VLDLR: variants seen among roughly 807,000 people sequenced by gnomAD.
The protein encoded by VLDLR is very low density lipoprotein receptor, also known as very low-density lipoprotein receptor.
In VLDLR, 81 loss-of-function variants were observed where a neutral mutation model predicts 112.7. The observed-to-expected ratio is 0.72, with a 90% CI of 0.60 to 0.86. The LOEUF is 0.86. VLDLR is among the 40% of genes least tolerant of loss of function. The pLI, the probability that VLDLR is intolerant of heterozygous loss-of-function variation, is 0.00. For synonymous variants in VLDLR, 436 were observed against 384.8 expected (o/e 1.13, Z -1.56); for missense variants, 1,237 against 1,099.4 (o/e 1.13, Z -1.77).
intron 2 of VLDLR, among the ~76,000 whole-genome samples, chr9:2,638,575 T>A (rs898720823): frequency 6.6e-6 from 1 of 152,186 alleles, no homozygotes; most frequent in African/African-American, 2.4e-5. Context: ...TGTGGCTACT[T>A]TATATCAAGA....
intron 17 of VLDLR, among the ~76,000 whole-genome samples, chr9:2,652,435 T>C (rs989832059): frequency 3.3e-5 from 5 of 152,186 alleles, no homozygotes; most frequent in Admixed American, 3.3e-4. Context: ...ATAAAAACCT[T>C]TGTCCTAAAT....
rs2130823488 is a variant in VLDLR, at chr9:2,659,309, GA to G, written c.*5442del. 1 of 152,340 alleles carries G rather than the reference GA, an allele frequency of 6.6e-6. No individual in the cohort carries two copies. The highest frequency in any genetic ancestry group is 1.5e-5 in the Non-Finnish European group (1 of 68,060). 9.4% of individuals were successfully genotyped at this position (152,340 alleles called of 1,614,324 possible). A position where few individuals can be genotyped will look rare whatever the true frequency, so the allele number is the denominator to read the frequency against. On this transcript the variant is annotated 3_prime_UTR_variant, in exon 19 of 19. Transcript: ENST00000382100. ...CTGGATGTCGCATTGCATGTTTGCT[GA>G]GTCCTCCTCATTGCTGATGTTAGGA...
chr9:2,640,263 T>C (rs902731525), intron 3 of VLDLR, among the ~76,000 whole-genome samples: 7 of 152,184 alleles, frequency 4.6e-5, no homozygotes, highest in African/African-American at 1.4e-4. Context: ...ACTAGGTGCA[T>C]AGATTTCAAA....
chr9:2,651,454 C>A lies in VLDLR; in HGVS notation c.2291C>A (p.Thr764Lys), dbSNP rs56737058. Residue 764 changes from threonine to lysine, a missense_variant, in exon 16 of 19, where the codon ACG (threonine) becomes AAG (lysine). By Grantham distance (78) the Thr-to-Lys change is moderately conservative (BLOSUM62 -1). Coordinates refer to ENST00000382100, the MANE Select transcript of VLDLR (RefSeq NM_003383.5). ...TTVTYSETKD[T>K]NTTEISATSG... Reference sequence around the variant, plus strand: ...GTGACTTACAGTGAGACAAAAGATACGAACACAACAGAAATTTCAGCAACT... The same window carrying A: ...GTGACTTACAGTGAGACAAAAGATAAGAACACAACAGAAATTTCAGCAACT... 4 of 1,613,784 alleles carry A rather than the reference C, an allele frequency of 2.5e-6. No homozygotes were observed. The highest frequency in any genetic ancestry group is 2.7e-5 in the African/African-American group (2 of 74,894).
Position 2,645,647 on chromosome 9 carries a change from C to G in VLDLR, c.1386C>G (p.Ile462Met), listed in dbSNP as rs1479227097. 1 of 1,614,178 alleles carries G rather than the reference C, an allele frequency of 6.2e-7. No individual in the cohort carries two copies. The highest frequency in any genetic ancestry group is 1.7e-5 in the Admixed American group (1 of 60,032). ...RKIGLERKEY[I>M]QLVEQLRNTV... ...TTGGCTTAGAGAGGAAAGAATATAT[C>G]CAACTAGTTGAACAGCTAAGAAACA... Residue 462 changes from isoleucine to methionine, a missense_variant, in exon 10 of 19, where the codon ATC becomes ATG. Transcript: ENST00000382100.
intron 18 of VLDLR, 148 bp from the exon 19 acceptor site, chr9:2,653,685 C>T (rs1818460288): frequency 4.9e-6 from 4 of 811,236 alleles, no homozygotes; most frequent in East Asian, 4.9e-5. Context: ...AATGATACAA[C>T]TCAGTATTCT....
Position 2,652,870 on chromosome 9 carries a change from T to C in VLDLR, c.2507T>C (p.Val836Ala), listed in dbSNP as rs1245622379. Residue 836 changes from valine to alanine, a missense_variant, in exon 18 of 19, where the codon GTG becomes GCG. Transcript: ENST00000382100. ...NMKSMNFDNP[V>A]YLKTTEEDLS... ...AAAAGCATGAACTTTGACAATCCTGTGTACTTGAAAACCACTGAAGAGGAC... is the reference window on the plus strand; with the variant it reads ...AAAAGCATGAACTTTGACAATCCTGCGTACTTGAAAACCACTGAAGAGGAC... The C allele has an allele frequency of 6.2e-7, 1 of 1,614,132 alleles. No homozygotes were observed. The highest frequency in any genetic ancestry group is 8.5e-7 in the Non-Finnish European group (1 of 1,179,990).
chr9:2,648,356 T>A lies in VLDLR; in HGVS notation c.1962+9T>A, dbSNP rs773153583. On this transcript the variant is annotated intron_variant, in intron 13 of 18. Transcript: ENST00000382100. ...CACTAACAATATTTGAGGTAAGATG[T>A]GTCTCACATCAAAGTGTGTACCTTT... 6.2e-6 allele frequency: 10 copies of A among 1,614,050 alleles called. No homozygotes were observed. The Admixed American group carries it at 1.7e-4, about 27-fold the overall frequency.
chr9:2,653,324 T>C (rs772479966), intron 18 of VLDLR, among the ~76,000 whole-genome samples: 54 of 152,336 alleles, frequency 3.5e-4, no homozygotes, highest in Middle Eastern at 3.4e-3. Context: ...AGTCAGTGTA[T>C]TGAGTAAGAT....
chr9:2,641,595 C>A (rs1817828189), intron 4 of VLDLR, 96 bp downstream of exon 4: 12 of 1,567,752 alleles, frequency 7.7e-6, no homozygotes, highest in Non-Finnish European at 1.1e-5. Context: ...GACGCACTGA[C>A]ATTGACTCAC....
rs1235401174 is a variant in VLDLR, at chr9:2,622,182, C to T, written c.-8C>T. 1.3e-6 allele frequency: 2 copies of T among 1,494,620 alleles called. No homozygotes were observed. The highest frequency in any genetic ancestry group is 2.7e-5 in the East Asian group (1 of 37,082). 92.6% of individuals were successfully genotyped at this position (1,494,620 alleles called of 1,614,324 possible). On this transcript the variant is annotated 5_prime_UTR_variant, in exon 1 of 19. Coordinates refer to ENST00000382100, the MANE Select transcript of VLDLR (RefSeq NM_003383.5). ...GGCGGCGGCGGCGGCACCATCCAGG[C>T]GGGCACCATGGGCACGTCCGCGCTC...
intron 2 of VLDLR, among the ~76,000 whole-genome samples, 191 bp from the exon 3 acceptor site, chr9:2,639,668 A>T (rs1443893034): frequency 6.6e-6 from 1 of 152,184 alleles, no homozygotes; most frequent in Non-Finnish European, 1.5e-5. Flanking sequence ...AGTCTCTCAA[A>T]TGAGCATCTT....
Position 2,658,859 on chromosome 9 carries a change from C to T in VLDLR, c.*4991C>T, listed in dbSNP as rs565709941. 1.7e-4 allele frequency: 26 copies of T among 152,100 alleles called. No individual in the cohort carries two copies. The highest frequency in any genetic ancestry group is 7.8e-4 in the Admixed American group (12 of 15,292). The allele number at this position is 152,100 out of a possible 1,614,324, so 9.4% of individuals were successfully genotyped here. ...TGAATGTAATGTGTTAGATGGTGAC[C>T]GAAGTGTTCTCCACTACACCTGTCT... On this transcript the variant is annotated 3_prime_UTR_variant, in exon 19 of 19. Transcript: ENST00000382100.
intron 1 of VLDLR, among the ~76,000 whole-genome samples, chr9:2,627,788 C>G (rs1256412045): frequency 6.6e-6 from 1 of 151,558 alleles, no homozygotes; most frequent in African/African-American, 2.4e-5. Context: ...TCGCTTGAAC[C>G]CGGGTGGCAG....
chr9:2,652,096 C>G, intron 17 of VLDLR, 142 bp downstream of exon 17: 2 of 747,756 alleles, frequency 2.7e-6, no homozygotes, highest in South Asian at 1.6e-5. Context: ...CTTTCTCCCC[C>G]ACATAATACA....
intron 1 of VLDLR, among the ~76,000 whole-genome samples, chr9:2,633,460 A>G (rs10812378): frequency 0.063 from 9,604 of 152,188 alleles, 772 homozygotes; most frequent in African/African-American, 0.19. Flanking sequence ...GTTGTCTTCC[A>G]GGTACCTTAA....
At chr9:2,625,626 C>G (rs567873287) in intron 1 of VLDLR, among the ~76,000 whole-genome samples, 2 of 152,250 alleles carry the variant, frequency 1.3e-5, no homozygotes, top group Admixed American at 1.3e-4. Flanking sequence ...TTAGGGAGCT[C>G]CTTGTGGTGG....
chr9:2,638,775 T>A (rs1817706325), intron 2 of VLDLR, among the ~76,000 whole-genome samples: 1 of 152,216 alleles, frequency 6.6e-6, no homozygotes, highest in Non-Finnish European at 1.5e-5. Context: ...CCAGGAAGAA[T>A]TAGCAACAGA....
intron 13 of VLDLR, 68 bp from the exon 14 acceptor site, chr9:2,648,601 A>G: frequency 1.2e-6 from 2 of 1,608,904 alleles, no homozygotes; most frequent in Non-Finnish European, 1.7e-6. Flanking sequence ...GAAGTAAATG[A>G]TGATGACCTT....
Sources: allele counts gnomAD v4.1 joint callset (sites outside exome capture counted in the v4.1 genomes callset), GRCh38; gene constraint gnomAD v4.1.1; transcripts MANE v1.5; gene names NCBI Gene and HGNC (gene_info 2026-07-23, HGNC 2026-07-21).